PAPPA: variants seen among roughly 807,000 people sequenced by gnomAD.
PAPPA encodes the protein pappalysin-1.
In PAPPA, 60 loss-of-function variants were observed where a neutral mutation model predicts 164.0. That is an observed-to-expected ratio of 0.37 (90% confidence interval 0.30 to 0.45). The LOEUF (loss-of-function observed/expected upper bound fraction) is 0.45. Ranked by LOEUF, PAPPA falls within the 20% of genes least tolerant of loss-of-function variation. The pLI is 1.00. For missense variants in PAPPA, 1,782 were observed against 2,087.3 expected (o/e 0.85, Z 2.85); for synonymous variants, 875 against 814.1 (o/e 1.07, Z -1.27).
chr9:116,313,052 C>T (rs1257306098), intron 10 of PAPPA, among the ~76,000 whole-genome samples: 1 of 143,496 alleles, frequency 7.0e-6, no homozygotes, highest in African/African-American at 2.7e-5. Flanking sequence ...CACTGCACAC[C>T]AGCCTAGGTG....
Position 116,396,820 on chromosome 9 carries a change from T to G in PAPPA, c.*204T>G. On this transcript the variant is annotated 3_prime_UTR_variant, in exon 22 of 22. Transcript: ENST00000328252. ...TCGCCATGCTGGATGATGAAATGGA[T>G]TCCCATCCCAAAGTCTGAGATGGAT... The G allele has an allele frequency of 1.7e-6, 1 of 582,394 alleles. No individual in the cohort carries two copies. The highest frequency in any genetic ancestry group is 3.1e-6 in the Non-Finnish European group (1 of 325,552). The allele number at this position is 582,394 out of a possible 1,614,324, so 36.1% of individuals were successfully genotyped here.
chr9:116,310,030 A>G (rs1017601514), intron 10 of PAPPA, among the ~76,000 whole-genome samples: 3 of 152,166 alleles, frequency 2.0e-5, no homozygotes, highest in Non-Finnish European at 2.9e-5. Flanking sequence ...CTTTTCTTAT[A>G]CCAGGATACT....
At chr9:116,366,835 T>C (rs1846507070) in intron 18 of PAPPA, among the ~76,000 whole-genome samples, 1 of 152,178 alleles carries the variant, frequency 6.6e-6, no homozygotes. Context: ...GAAGGTCTTC[T>C]CTGAGCAAGT....
At chr9:116,360,155 G>C (rs1207565157) in intron 17 of PAPPA, among the ~76,000 whole-genome samples, 1 of 152,198 alleles carries the variant, frequency 6.6e-6, no homozygotes, top group African/African-American at 2.4e-5. Flanking sequence ...TTAGGGGTTG[G>C]AATCCAAATG....
chr9:116,185,585 C>T (rs1404992285), intron 1 of PAPPA, among the ~76,000 whole-genome samples: 1 of 152,120 alleles, frequency 6.6e-6, no homozygotes, highest in Non-Finnish European at 1.5e-5. Flanking sequence ...ATTCACTCTC[C>T]TCTCCCTCTC....
At chr9:116,319,950 C>T (rs1845833679) in intron 10 of PAPPA, among the ~76,000 whole-genome samples, 1 of 152,184 alleles carries the variant, frequency 6.6e-6, no homozygotes, top group African/African-American at 2.4e-5. Flanking sequence ...AGGCCTCTAA[C>T]ATAAGCTTTT....
intron 9 of PAPPA, among the ~76,000 whole-genome samples, chr9:116,275,102 C>G (rs1009871318): frequency 6.6e-6 from 1 of 152,182 alleles, no homozygotes; most frequent in African/African-American, 2.4e-5. Context: ...GCCTGGCTCT[C>G]CAGAGAGTGT....
At chr9:116,345,742 T>C (rs1846199182) in intron 14 of PAPPA, among the ~76,000 whole-genome samples, 1 of 152,220 alleles carries the variant, frequency 6.6e-6, no homozygotes, top group Non-Finnish European at 1.5e-5. Flanking sequence ...TCATGGAAGA[T>C]AGGACGTGTC....
At chr9:116,159,944 A>T (rs1433001550) in intron 1 of PAPPA, among the ~76,000 whole-genome samples, 1 of 152,180 alleles carries the variant, frequency 6.6e-6, no homozygotes, top group East Asian at 1.9e-4. Flanking sequence ...GGTCTGAGAG[A>T]TCATTTGGTC....
At chr9:116,315,434 C>T (rs1845776012) in intron 10 of PAPPA, among the ~76,000 whole-genome samples, 1 of 152,206 alleles carries the variant, frequency 6.6e-6, no homozygotes, top group Non-Finnish European at 1.5e-5. Flanking sequence ...AGAACAGGGC[C>T]TGGCATATAG....
chr9:116,158,495 C>A (rs1843628492), intron 1 of PAPPA, among the ~76,000 whole-genome samples: 1 of 152,210 alleles, frequency 6.6e-6, no homozygotes, highest in Non-Finnish European at 1.5e-5. Flanking sequence ...GTTGACTTCT[C>A]TGGACTTCAT....
chr9:116,169,362 C>G (rs951103403), intron 1 of PAPPA, among the ~76,000 whole-genome samples: 1 of 116,794 alleles, frequency 8.6e-6, no homozygotes, highest in African/African-American at 3.1e-5. Flanking sequence ...CTCTGTCACT[C>G]AGGCTGGAGT....
At chr9:116,276,948 G>C (rs555497578) in intron 9 of PAPPA, among the ~76,000 whole-genome samples, 22 of 152,068 alleles carry the variant, frequency 1.4e-4, no homozygotes, top group African/African-American at 5.1e-4. Flanking sequence ...CCTCTGTCAG[G>C]CTGCTCTGGC....
intron 2 of PAPPA, among the ~76,000 whole-genome samples, chr9:116,189,457 G>A (rs1450596520): frequency 6.6e-6 from 1 of 152,148 alleles, no homozygotes; most frequent in Non-Finnish European, 1.5e-5. Flanking sequence ...ATTGGGTGGA[G>A]GAAGAAGGGA....
At chr9:116,393,228 G>A (rs1434721330) in intron 21 of PAPPA, among the ~76,000 whole-genome samples, 1 of 152,144 alleles carries the variant, frequency 6.6e-6, no homozygotes, top group Non-Finnish European at 1.5e-5. Flanking sequence ...TTCCTTTCTG[G>A]CCAGGTCTTT....
At chr9:116,179,121 A>G (rs1456447100) in intron 1 of PAPPA, among the ~76,000 whole-genome samples, 1 of 152,254 alleles carries the variant, frequency 6.6e-6, no homozygotes, top group Middle Eastern at 3.2e-3. Context: ...ACATCTGTGA[A>G]GTATACAGGA....
rs1847040568 is a variant in PAPPA, at chr9:116,400,756, C to T, written c.*4140C>T. 6.6e-6 allele frequency: 1 copy of T among 152,344 alleles called. No individual in the cohort carries two copies. The highest frequency in any genetic ancestry group is 1.9e-4 in the East Asian group (1 of 5,190). 9.4% of individuals were successfully genotyped at this position (152,344 alleles called of 1,614,324 possible). ...TTATTCAACTTTTGCCAAATTCCTA[C>T]CAATCACTTGCTTTTTAAAAGAAAT... On this transcript the variant is annotated 3_prime_UTR_variant, in exon 22 of 22. Transcript: ENST00000328252.
Position 116,188,247 on chromosome 9 carries a change from T to G in PAPPA, c.1478+31T>G, listed in dbSNP as rs747448516. The G allele has an allele frequency of 1.6e-5, 25 of 1,520,146 alleles. 1 individual carries two copies. The highest frequency in any genetic ancestry group is 2.3e-5 in the Non-Finnish European group (25 of 1,108,148). The allele number at this position is 1,520,146 out of a possible 1,614,324, so 94.2% of individuals were successfully genotyped here. ...ACCTTACTGGGCTAAAGATGCCCAG[T>G]TGAAAGTTGAACTTGATGTCCTCCA... On this transcript the variant is annotated intron_variant, in intron 2 of 21. Coordinates refer to ENST00000328252, the MANE Select transcript of PAPPA (RefSeq NM_002581.5).
intron 2 of PAPPA, among the ~76,000 whole-genome samples, chr9:116,192,302 G>A (rs1339025146): frequency 6.6e-6 from 1 of 152,200 alleles, no homozygotes; most frequent in Admixed American, 6.5e-5. Flanking sequence ...TAGGGCATAA[G>A]CCAGGCAGTG....
Sources: gnomAD v4.1 joint callset for allele counts (sites outside exome capture counted in the v4.1 genomes callset) on GRCh38, gnomAD v4.1.1 for gene constraint, MANE v1.5 for transcripts, NCBI Gene and HGNC (gene_info 2026-07-23, HGNC 2026-07-21) for gene names.